The following SLC9A9 variants were observed in gnomAD, a reference collection of about 807,000 sequenced individuals.
The protein encoded by SLC9A9 is solute carrier family 9 member A9, also known as sodium/hydrogen exchanger 9.
A neutral mutation model predicts 77.8 loss-of-function variants in SLC9A9; 62 were observed. The ratio of observed to expected loss-of-function variants is 0.80; its 90% CI spans 0.65 to 0.98. SLC9A9 has a LOEUF of 0.98. SLC9A9 is among the 50% of genes least tolerant of loss of function. SLC9A9 has a pLI of 0.00. For missense variants in SLC9A9, 775 were observed against 774.9 expected, an observed-to-expected ratio of 1.00 and a Z score of 0.00; for synonymous variants, 320 against 283.5, an observed-to-expected ratio of 1.13 and a Z score of -1.29.
At position 143,770,712 on chromosome 3, in the gene SLC9A9, T is replaced by C. The variant is rs188223780; in HGVS notation, c.533+24289A>G. On this transcript the variant is annotated intron_variant, in intron 4 of 15. Transcript: ENST00000316549. ...AAAACAAAGGCTCGATAATGTCAGT[T>C]ATATGAAAGAAAATATCACTGAAAA... 1.1e-4 allele frequency among the ~76,000 whole-genome samples: 16 copies of C among 152,248 alleles called. No homozygotes were observed. The East Asian group carries it at 3.1e-3, about 29-fold the overall frequency.
At chr3:143,773,255 T>C (rs570026611) in intron 4 of SLC9A9, among the ~76,000 whole-genome samples, 15 of 152,278 alleles carry the variant, frequency 9.9e-5, no homozygotes, top group Admixed American at 8.5e-4. Flanking sequence ...AATGGCCAAT[T>C]TCAAGCTAGC....
intron 14 of SLC9A9, among the ~76,000 whole-genome samples, chr3:143,275,051 C>T (rs1428220866): frequency 1.3e-5 from 2 of 152,062 alleles, no homozygotes; most frequent in Non-Finnish European, 2.9e-5. Flanking sequence ...TTGTCTGAAG[C>T]TTGTTCTTCA....
intron 14 of SLC9A9, among the ~76,000 whole-genome samples, chr3:143,280,645 A>G (rs111520496): frequency 0.043 from 6,516 of 150,576 alleles, 454 homozygotes; most frequent in African/African-American, 0.15. Context: ...TCTGCCCCCA[A>G]GTTCAAGCGA....
chr3:143,703,563 A>C (rs940946881), intron 4 of SLC9A9, among the ~76,000 whole-genome samples: 1 of 152,082 alleles, frequency 6.6e-6, no homozygotes, highest in African/African-American at 2.4e-5. Flanking sequence ...AATACAGCAA[A>C]AGCAGTACTA....
chr3:143,651,848 G>A (rs1183303159), intron 6 of SLC9A9, among the ~76,000 whole-genome samples: 3 of 152,116 alleles, frequency 2.0e-5, no homozygotes, highest in East Asian at 1.9e-4. Flanking sequence ...TGACCCTTAG[G>A]TTCTGGCTCC....
chr3:143,613,103 T>G (rs1245309690), intron 6 of SLC9A9, among the ~76,000 whole-genome samples: 2 of 152,242 alleles, frequency 1.3e-5, no homozygotes, highest in East Asian at 3.8e-4. Context: ...ATACAAAACA[T>G]TTTTCTATGG....
intron 1 of SLC9A9, among the ~76,000 whole-genome samples, chr3:143,846,014 T>A (rs1407082401): frequency 6.6e-6 from 1 of 152,212 alleles, no homozygotes; most frequent in East Asian, 1.9e-4. Context: ...TCAATAGCAG[T>A]GGTCAATGAA....
intron 4 of SLC9A9, among the ~76,000 whole-genome samples, chr3:143,696,852 T>C (rs551033559): frequency 6.2e-4 from 95 of 152,272 alleles, no homozygotes; most frequent in African/African-American, 2.2e-3. Flanking sequence ...AGAAGCCTCA[T>C]ATACTATTGC....
intron 14 of SLC9A9, among the ~76,000 whole-genome samples, chr3:143,293,559 G>A (rs1361695914): frequency 6.6e-6 from 1 of 152,134 alleles, no homozygotes; most frequent in Non-Finnish European, 1.5e-5. Flanking sequence ...GTACTTATAG[G>A]AAAGAGGACT....
chr3:143,637,567 G>T (rs950454879), intron 6 of SLC9A9, among the ~76,000 whole-genome samples: 1 of 152,134 alleles, frequency 6.6e-6, no homozygotes, highest in African/African-American at 2.4e-5. Flanking sequence ...ATACACCTTA[G>T]TAAGTATATA....
At chr3:143,576,733 A>C (rs908210460) in intron 7 of SLC9A9, among the ~76,000 whole-genome samples, 1 of 152,168 alleles carries the variant, frequency 6.6e-6, no homozygotes, top group Non-Finnish European at 1.5e-5. Context: ...ATCCAATAAA[A>C]ATAGCATCTG....
chr3:143,492,035 G>A (rs1430993169), intron 11 of SLC9A9, among the ~76,000 whole-genome samples: 3 of 152,204 alleles, frequency 2.0e-5, no homozygotes, highest in African/African-American at 7.2e-5. Flanking sequence ...GCTCAAGCCT[G>A]TAATCCCAGC....
chr3:143,769,329 C>T (rs2007436614), intron 4 of SLC9A9, among the ~76,000 whole-genome samples: 1 of 152,124 alleles, frequency 6.6e-6, no homozygotes, highest in African/African-American at 2.4e-5. Context: ...GTTTCCTATA[C>T]CCAGAAATCT....
chr3:143,572,956 G>A (rs767694932), intron 8 of SLC9A9, among the ~76,000 whole-genome samples: 8 of 152,198 alleles, frequency 5.3e-5, no homozygotes, highest in Non-Finnish European at 1.2e-4. Context: ...ATGTTTCACA[G>A]ATGGAGTTTC....
At chr3:143,390,361 G>A (rs2033529212) in intron 12 of SLC9A9, among the ~76,000 whole-genome samples, 1 of 152,318 alleles carries the variant, frequency 6.6e-6, no homozygotes, top group East Asian at 1.9e-4. Flanking sequence ...TCACTTACTT[G>A]TGTGACTATG....
intron 13 of SLC9A9, among the ~76,000 whole-genome samples, chr3:143,367,257 A>T (rs559777786): frequency 6.6e-6 from 1 of 152,302 alleles, no homozygotes; most frequent in Admixed American, 6.5e-5. Flanking sequence ...AAAAAACTTC[A>T]TTTCATGTGG....
In SLC9A9 at chr3:143,834,193, C is replaced by A. The variant is rs184826357; in HGVS notation, c.176-1972G>T. Among the ~76,000 whole-genome samples the A allele has an allele frequency of 7.2e-5, 11 of 152,212 alleles. No individual in the cohort carries two copies. In the East Asian group the frequency reaches 1.7e-3, roughly 24 times the overall value. On this transcript the variant is annotated intron_variant, in intron 1 of 15. Coordinates refer to ENST00000316549, the MANE Select transcript of SLC9A9 (RefSeq NM_173653.4). ...TCCAGAGTAATTAGAAAAATTGTAT[C>A]CAAATCTCTGGGAGCAAGAGAAAAT...
chr3:143,668,255 C>A (rs1334826404), intron 5 of SLC9A9, among the ~76,000 whole-genome samples: 2 of 147,602 alleles, frequency 1.4e-5, no homozygotes, highest in African/African-American at 5.0e-5. Flanking sequence ...ACCGCATGCT[C>A]TCACTCGTAG....
intron 12 of SLC9A9, among the ~76,000 whole-genome samples, chr3:143,450,189 A>G (rs2034979064): frequency 1.5e-5 from 2 of 135,026 alleles, no homozygotes; most frequent in South Asian, 2.2e-4. Context: ...TTATGTAAAT[A>G]TAATATATAA....
Sources: allele counts gnomAD v4.1 joint callset (sites outside exome capture counted in the v4.1 genomes callset), GRCh38; gene constraint gnomAD v4.1.1; transcripts MANE v1.5; gene names NCBI Gene and HGNC (gene_info 2026-07-23, HGNC 2026-07-21).